The following RAB3C variants were observed in gnomAD, a reference collection of about 807,000 sequenced individuals.
The protein encoded by RAB3C is RAB3C, member RAS oncogene family, also known as ras-related protein Rab-3C.
A neutral mutation model predicts 26.4 loss-of-function variants in RAB3C; 17 were observed. The observed-to-expected ratio is 0.64, with a 90% CI of 0.44 to 0.97. The LOEUF (loss-of-function observed/expected upper bound fraction) is 0.97, where lower values mean the gene tolerates loss of function less well. Ranked by LOEUF, RAB3C falls within the 50% of genes least tolerant of loss-of-function variation. The pLI, the probability that RAB3C is intolerant of heterozygous loss-of-function variation, is 0.00. For missense variants in RAB3C, 242 were observed against 281.9 expected, an observed-to-expected ratio of 0.86 and a Z score of 1.01; for synonymous variants, 91 against 95.9, an observed-to-expected ratio of 0.95 and a Z score of 0.30.
chr5:58,653,641 C>T (rs1031269033), intron 2 of RAB3C, among the ~76,000 whole-genome samples: 17 of 152,148 alleles, frequency 1.1e-4, no homozygotes, highest in African/African-American at 4.1e-4. Context: ...AGTTCGTGTC[C>T]TTTGCAGGAA....
chr5:58,657,649 A>G (rs1481499920), intron 2 of RAB3C, among the ~76,000 whole-genome samples: 1 of 152,200 alleles, frequency 6.6e-6, no homozygotes, highest in East Asian at 1.9e-4. Context: ...GGGCCAGACC[A>G]TAATAGGCCT....
rs1044754398 is a variant in RAB3C, at chr5:58,617,871, G to A, written c.252+1G>A. On this transcript the variant is annotated splice_donor_variant, in intron 2 of 4. Coordinates refer to ENST00000282878, the MANE Select transcript of RAB3C (RefSeq NM_138453.4). LOFTEE classifies it high-confidence loss of function. Reference sequence around the variant, plus strand: ...AAAGAGAATCAAGCTTCAGATTTGGGTAAGTGGCTTTGAACTGGCAGTGTT... The same window carrying A: ...AAAGAGAATCAAGCTTCAGATTTGGATAAGTGGCTTTGAACTGGCAGTGTT... 10 of 1,594,154 alleles carry A rather than the reference G, an allele frequency of 6.3e-6. No homozygotes were observed. The Admixed American group carries it at 6.8e-5, about 11-fold the overall frequency.
At chr5:58,673,735 T>C (rs1388150738) in intron 2 of RAB3C, among the ~76,000 whole-genome samples, 1 of 152,158 alleles carries the variant, frequency 6.6e-6, no homozygotes, top group African/African-American at 2.4e-5. Flanking sequence ...TGAAAAAGGA[T>C]CAAATAGTTT....
At chr5:58,677,301 G>C (rs535010414) in intron 2 of RAB3C, among the ~76,000 whole-genome samples, 3 of 152,252 alleles carry the variant, frequency 2.0e-5, no homozygotes, top group African/African-American at 7.2e-5. Context: ...CTGGCAACTA[G>C]GATTTGAGCA....
At chr5:58,767,921 A>T (rs1742002579) in intron 3 of RAB3C, among the ~76,000 whole-genome samples, 1 of 152,204 alleles carries the variant, frequency 6.6e-6, no homozygotes, top group African/African-American at 2.4e-5. Flanking sequence ...AGAGTGTCCA[A>T]GAGGCAGCTG....
intron 3 of RAB3C, among the ~76,000 whole-genome samples, chr5:58,756,598 A>G (rs1227527201): frequency 1.4e-5 from 2 of 146,628 alleles, no homozygotes; most frequent in East Asian, 2.0e-4. Context: ...TCATTGTTCA[A>G]CTCCCACTTA....
chr5:58,608,858 A>G (rs1414942820), intron 1 of RAB3C, among the ~76,000 whole-genome samples: 4 of 152,228 alleles, frequency 2.6e-5, no homozygotes, highest in Non-Finnish European at 5.9e-5. Flanking sequence ...CTATGCAGCC[A>G]TAAAAAAGGA....
chr5:58,596,203 C>A (rs981628869), intron 1 of RAB3C, among the ~76,000 whole-genome samples: 5 of 151,938 alleles, frequency 3.3e-5, no homozygotes. Context: ...CCTACCCATA[C>A]CCTATAATCA....
chr5:58,612,550 A>ATATATATATG (rs1554044144), intron 1 of RAB3C, among the ~76,000 whole-genome samples: 44 of 91,720 alleles, frequency 4.8e-4, no homozygotes, highest in African/African-American at 1.9e-3. Context: ...ATATATATGT[A>ATATATATATG]TATATATATA....
intron 4 of RAB3C, among the ~76,000 whole-genome samples, chr5:58,834,417 A>G (rs1355852207): frequency 1.3e-5 from 2 of 152,218 alleles, no homozygotes; most frequent in African/African-American, 2.4e-5. Context: ...CAATTATGTA[A>G]TAAAGCCAGG....
intron 3 of RAB3C, among the ~76,000 whole-genome samples, chr5:58,818,325 T>C (rs1285953265): frequency 6.6e-6 from 1 of 152,206 alleles, no homozygotes; most frequent in African/African-American, 2.4e-5. Context: ...AGTTCAGTTG[T>C]TTATGTGTGA....
chr5:58,719,234 G>A (rs1339029122), intron 2 of RAB3C, among the ~76,000 whole-genome samples: 3 of 152,004 alleles, frequency 2.0e-5, no homozygotes, highest in Non-Finnish European at 2.9e-5. Context: ...TAGAATAAGA[G>A]AGAAATAGAT....
intron 3 of RAB3C, among the ~76,000 whole-genome samples, chr5:58,798,582 T>C (rs1742728375): frequency 6.6e-6 from 1 of 152,222 alleles, no homozygotes; most frequent in Admixed American, 6.5e-5. Flanking sequence ...TCAAAACTGA[T>C]TCAAACTTTG....
chr5:58,750,283 G>C (rs1429667716), intron 3 of RAB3C, among the ~76,000 whole-genome samples: 1 of 152,172 alleles, frequency 6.6e-6, no homozygotes, highest in African/African-American at 2.4e-5. Context: ...AAGGATTTGA[G>C]AGGTTTTAAA....
intron 2 of RAB3C, among the ~76,000 whole-genome samples, chr5:58,656,161 A>C (rs1377006894): frequency 6.6e-6 from 1 of 152,194 alleles, no homozygotes; most frequent in East Asian, 1.9e-4. Context: ...AAAGGTATCA[A>C]CAGAGATACG....
At chr5:58,646,614 C>T (rs1371249410) in intron 2 of RAB3C, among the ~76,000 whole-genome samples, 1 of 151,994 alleles carries the variant, frequency 6.6e-6, no homozygotes, top group African/African-American at 2.4e-5. Context: ...TAAGCTCCTT[C>T]AGATGGGTGG....
At chr5:58,651,302 CTT>C (rs1383360561) in intron 2 of RAB3C, among the ~76,000 whole-genome samples, 1 of 152,084 alleles carries the variant, frequency 6.6e-6, no homozygotes, top group Non-Finnish European at 1.5e-5. Context: ...CTTCCTATCT[CTT>C]TTTCATGTTT....
chr5:58,837,557 C>CTTTTTCTT (rs1743776564), intron 4 of RAB3C, among the ~76,000 whole-genome samples: 4 of 118,898 alleles, frequency 3.4e-5, no homozygotes, highest in Non-Finnish European at 6.7e-5. Flanking sequence ...TTCAGTCTCT[C>CTTTTTCTT]TTTTTTTTTT....
intron 3 of RAB3C, among the ~76,000 whole-genome samples, chr5:58,732,984 A>T (rs575189170): frequency 6.6e-6 from 1 of 152,278 alleles, no homozygotes; most frequent in South Asian, 2.1e-4. Flanking sequence ...TTTTAGCTAG[A>T]TTCTCATTTC....
Sources: allele counts gnomAD v4.1 joint callset (sites outside exome capture counted in the v4.1 genomes callset), GRCh38; gene constraint gnomAD v4.1.1; transcripts MANE v1.5; gene names NCBI Gene and HGNC (gene_info 2026-07-23, HGNC 2026-07-21).